Variants in FGF12 observed in about 807,000 individuals in gnomAD.
The protein encoded by FGF12 is fibroblast growth factor 12.
In FGF12, 14 loss-of-function variants were observed where a neutral mutation model predicts 23.6. The ratio of observed to expected loss-of-function variants is 0.59; its 90% CI spans 0.39 to 0.93. FGF12 has a LOEUF of 0.93. FGF12 is among the 40% of genes least tolerant of loss of function. The pLI, the probability that FGF12 is intolerant of heterozygous loss-of-function variation, is 0.00. For synonymous variants in FGF12, 62 were observed against 77.3 expected (o/e 0.80, Z 1.04); for missense variants, 175 against 217.8 (o/e 0.80, Z 1.24).
chr3:192,672,275 G>A (rs1380754525), intron 2 of FGF12, among the ~76,000 whole-genome samples: 2 of 151,036 alleles, frequency 1.3e-5, no homozygotes, highest in Non-Finnish European at 3.0e-5. Flanking sequence ...GGCAACTCTG[G>A]ATTTTTATAA....
chr3:192,154,857 C>G (rs371070383), intron 5 of FGF12, among the ~76,000 whole-genome samples: 16 of 142,452 alleles, frequency 1.1e-4, no homozygotes, highest in South Asian at 2.4e-4. Flanking sequence ...TCGAGCTTCC[C>G]GGCTGCTTTG....
At chr3:192,568,123 T>A (rs1220163015) in intron 2 of FGF12, among the ~76,000 whole-genome samples, 12 of 152,080 alleles carry the variant, frequency 7.9e-5, no homozygotes, top group Admixed American at 7.9e-4. Context: ...GTGAGCACCA[T>A]GCCCCGCCCT....
intron 2 of FGF12, among the ~76,000 whole-genome samples, chr3:192,623,663 G>C (rs1715055418): frequency 6.6e-6 from 1 of 152,164 alleles, no homozygotes; most frequent in East Asian, 1.9e-4. Flanking sequence ...GTAGAATGCT[G>C]TCCTCCTTAG....
chr3:192,402,494 C>A (rs1398019259), intron 2 of FGF12, among the ~76,000 whole-genome samples: 1 of 152,208 alleles, frequency 6.6e-6, no homozygotes, highest in Non-Finnish European at 1.5e-5. Flanking sequence ...ATTTCTTGAA[C>A]TTTTCATCAG....
At chr3:192,275,588 TG>T (rs1285328736) in intron 4 of FGF12, among the ~76,000 whole-genome samples, 8 of 152,190 alleles carry the variant, frequency 5.3e-5, no homozygotes, top group Admixed American at 2.0e-4. Flanking sequence ...TTTGTGAAGG[TG>T]GTGTTTTCTA....
At chr3:192,167,751 ATATATATATATATATATAAAATTTTTTTT>A (rs1340207582) in intron 5 of FGF12, among the ~76,000 whole-genome samples, 3 of 26,728 alleles carry the variant, frequency 1.1e-4, no homozygotes, top group Non-Finnish European at 2.1e-4. Context: ...ATATATATAT[ATATATATATATATATATAAAATTTTTTTT>A]TTTTTTTTTT....
chr3:192,219,352 TG>T (rs1165399070), intron 4 of FGF12, among the ~76,000 whole-genome samples: 1 of 152,030 alleles, frequency 6.6e-6, no homozygotes, highest in Non-Finnish European at 1.5e-5. Flanking sequence ...CCCAAAGTGC[TG>T]GGATTACAGA....
chr3:192,641,646 T>G (rs1413046227), intron 2 of FGF12, among the ~76,000 whole-genome samples: 3 of 152,026 alleles, frequency 2.0e-5, no homozygotes, highest in Admixed American at 2.0e-4. Flanking sequence ...CCTCAGGTGA[T>G]CCACCCTCCT....
intron 4 of FGF12, among the ~76,000 whole-genome samples, chr3:192,195,931 A>C (rs1717044453): frequency 6.6e-6 from 1 of 152,178 alleles, no homozygotes; most frequent in Admixed American, 6.5e-5. Flanking sequence ...TACAGTCACC[A>C]TGCTATAGAA....
At chr3:192,457,107 G>T (rs1203948222) in intron 2 of FGF12, among the ~76,000 whole-genome samples, 2 of 152,174 alleles carry the variant, frequency 1.3e-5, no homozygotes, top group South Asian at 4.1e-4. Flanking sequence ...CATGTAAGAA[G>T]TACCTTTCAC....
intron 5 of FGF12, among the ~76,000 whole-genome samples, chr3:192,150,953 G>A (rs1478908867): frequency 6.9e-6 from 1 of 145,202 alleles, no homozygotes; most frequent in African/African-American, 2.6e-5. Context: ...CATGAGCATG[G>A]AATGTTCTTC....
chr3:192,496,628 C>G (rs1210774664), intron 2 of FGF12, among the ~76,000 whole-genome samples: 1 of 152,192 alleles, frequency 6.6e-6, no homozygotes, highest in Non-Finnish European at 1.5e-5. Context: ...ACTGTCCCCA[C>G]TACCTCACTT....
intron 2 of FGF12, among the ~76,000 whole-genome samples, chr3:192,438,795 C>T (rs73889332): frequency 0.023 from 3,509 of 152,298 alleles, 158 homozygotes; most frequent in African/African-American, 0.08. Flanking sequence ...GCATGCGCTT[C>T]AACATGTCAA....
intron 2 of FGF12, among the ~76,000 whole-genome samples, chr3:192,666,816 A>G (rs948674429): frequency 6.6e-6 from 1 of 152,180 alleles, no homozygotes; most frequent in Non-Finnish European, 1.5e-5. Flanking sequence ...CTTAATAGTC[A>G]ATCAAAGAGT....
intron 2 of FGF12, among the ~76,000 whole-genome samples, chr3:192,372,542 C>G (rs1167032068): frequency 6.6e-6 from 1 of 152,148 alleles, no homozygotes; most frequent in Non-Finnish European, 1.5e-5. Flanking sequence ...TAAATTCAGG[C>G]ACCGTGGTGC....
intron 2 of FGF12, among the ~76,000 whole-genome samples, chr3:192,470,885 C>T (rs1723153975): frequency 6.6e-6 from 1 of 152,152 alleles, no homozygotes; most frequent in South Asian, 2.1e-4. Flanking sequence ...GCGGCTGACC[C>T]TTCTGTCTTC....
At chr3:192,492,049 A>T (rs1397202184) in intron 2 of FGF12, among the ~76,000 whole-genome samples, 1 of 152,268 alleles carries the variant, frequency 6.6e-6, no homozygotes, top group East Asian at 1.9e-4. Flanking sequence ...TACAGACTTA[A>T]ATCTCCTAAA....
At chr3:192,575,240 G>T (rs1418555280) in intron 2 of FGF12, among the ~76,000 whole-genome samples, 2 of 152,176 alleles carry the variant, frequency 1.3e-5, no homozygotes, top group Non-Finnish European at 2.9e-5. Flanking sequence ...CTCTGGGGAT[G>T]CAATTGTTAT....
intron 5 of FGF12, among the ~76,000 whole-genome samples, chr3:192,144,859 A>G (rs1713609138): frequency 6.6e-6 from 1 of 152,232 alleles, no homozygotes; most frequent in Non-Finnish European, 1.5e-5. Flanking sequence ...ATGTTTTCAA[A>G]TTATTCAAGT....
Sources: gnomAD v4.1 joint callset for allele counts (sites outside exome capture counted in the v4.1 genomes callset) on GRCh38, gnomAD v4.1.1 for gene constraint, MANE v1.5 for transcripts, NCBI Gene and HGNC (gene_info 2026-07-23, HGNC 2026-07-21) for gene names.